Variants in URB1 observed in about 807,000 individuals in gnomAD.
URB1 encodes URB1 ribosome biogenesis factor, also known as nucleolar pre-ribosomal-associated protein 1.
In URB1, 197 loss-of-function variants were observed where a neutral mutation model predicts 242.3. That is an observed-to-expected ratio of 0.81 (90% CI 0.72 to 0.91). The LOEUF (loss-of-function observed/expected upper bound fraction) is 0.91. URB1 is among the 40% of genes least tolerant of loss of function. URB1 has a pLI of 0.00. For missense variants in URB1, 2,721 were observed against 2,860.5 expected (o/e 0.95, Z 1.11); for synonymous variants, 1,153 against 1,201.8 (o/e 0.96, Z 0.84).
Position 32,314,952 on chromosome 21 carries a change from C to A in URB1, c.6782G>T (p.Cys2261Phe). Residue 2261 changes from cysteine to phenylalanine, a missense_variant, in exon 39 of 39, where the codon TGC becomes TTC. Cys to Phe is a radical substitution (Grantham distance 205, BLOSUM62 -2). Transcript: ENST00000382751. ...TGAGGCTGCGCTGGCGGCGTCCTTG[C>A]AGAGCACCACGATGGCCTCCTCTTC... ...SSEEEAIVVL[C>F]KDAASAASDA is the part of the protein sequence containing the mutation. 6.4e-7 allele frequency: 1 copy of A among 1,551,556 alleles called. No individual in the cohort carries two copies. The highest frequency in any genetic ancestry group is 8.7e-7 in the Non-Finnish European group (1 of 1,146,944).
At chr21:32,345,623 G>A in intron 22 of URB1, 48 bp from the exon 23 acceptor site, 1 of 1,487,260 alleles carries the variant, frequency 6.7e-7, no homozygotes, top group Non-Finnish European at 9.0e-7. Context: ...ATGGTGGGCT[G>A]CAGCCAGCTT....
intron 1 of URB1, among the ~76,000 whole-genome samples, chr21:32,391,897 A>C (rs1333337835): frequency 6.6e-6 from 1 of 151,094 alleles, no homozygotes; most frequent in Non-Finnish European, 1.5e-5. Flanking sequence ...GGTGTTGTGC[A>C]CCTACAATCT....
In URB1 at chr21:32,320,454, G is replaced by A. The variant is rs918417632; in HGVS notation, c.5594+77C>T. 5.5e-6 allele frequency: 6 copies of A among 1,098,762 alleles called. No individual in the cohort carries two copies. In the African/African-American group the frequency reaches 9.5e-5, roughly 17 times the overall value. 68.1% of individuals were successfully genotyped at this position (1,098,762 alleles called of 1,614,324 possible). ...TACTGGACATTTCCAACCAACAACA[G>A]AGCTGGCAGCAGACGTCATCGTTTC... On this transcript the variant is annotated intron_variant, in intron 35 of 38. Coordinates refer to ENST00000382751, the MANE Select transcript of URB1 (RefSeq NM_014825.3).
intron 38 of URB1, 114 bp downstream of exon 38, chr21:32,316,352 C>T: frequency 1.4e-6 from 2 of 1,415,188 alleles, no homozygotes; most frequent in East Asian, 2.5e-5. Flanking sequence ...AAGCACAATA[C>T]CCAGCTGAGG....
intron 4 of URB1, among the ~76,000 whole-genome samples, chr21:32,382,060 C>T (rs2033532723): frequency 6.6e-6 from 1 of 152,278 alleles, no homozygotes; most frequent in African/African-American, 2.4e-5. Context: ...TGCCCTGAGA[C>T]CCTGAGATGA....
chr21:32,373,701 T>C lies in URB1; in HGVS notation c.822A>G (p.Ile274Met), dbSNP rs1207963868. ...TCCCATTCCAGTTGTACAGCGATGC[T>C]ATGTGGTTCAATAACTGCCCCGTAA... ...RFFTGQLLNH[I>M]ASLYNWNGIT... The change falls in exon 7 of 39, where the codon ATA (isoleucine) becomes ATG (methionine). Residue 274 changes from isoleucine (I) to methionine (M), a missense_variant. By Grantham distance (10) the Ile-to-Met change is conservative. Transcript: ENST00000382751. 6.5e-7 allele frequency: 1 copy of C among 1,549,544 alleles called. No homozygotes were observed. Among genetic ancestry groups the C allele is most frequent in the Admixed American group, 2.0e-5 (1 of 50,286 alleles).
In URB1 at chr21:32,319,257, C is replaced by G. The variant is rs975892980; in HGVS notation, c.5752G>C (p.Glu1918Gln). The change falls in exon 36 of 39, where the codon GAG becomes CAG. Residue 1918 changes from glutamate to glutamine, a missense_variant. Transcript: ENST00000382751. Reference sequence around the variant, plus strand: ...AGCACGATGAGAACATAAAGGAACTCATTGACCAGGTGCAGGGCAAGCCGC... The same window carrying G: ...AGCACGATGAGAACATAAAGGAACTGATTGACCAGGTGCAGGGCAAGCCGC... ...AKRLALHLVN[E>Q]FLYVLIVLMK... is the part of the protein sequence containing the mutation. 5.0e-5 allele frequency: 77 copies of G among 1,551,098 alleles called. No homozygotes were observed. Among genetic ancestry groups the G allele is most frequent in the Non-Finnish European group, 6.5e-5 (74 of 1,146,776 alleles).
intron 14 of URB1, among the ~76,000 whole-genome samples, chr21:32,359,025 C>T (rs774273623): frequency 4.6e-5 from 7 of 152,152 alleles, no homozygotes; most frequent in African/African-American, 1.2e-4. Flanking sequence ...AGCCTCAGAA[C>T]GGGGACTCGA....
At chr21:32,320,280 C>A (rs1211125632) in intron 35 of URB1, among the ~76,000 whole-genome samples, 5 of 152,234 alleles carry the variant, frequency 3.3e-5, no homozygotes, top group African/African-American at 1.2e-4. Flanking sequence ...CAGATGTGAA[C>A]AGCAGCTGGT....
chr21:32,359,951 G>A (rs769785519), intron 13 of URB1, 43 bp from the exon 14 acceptor site: 21 of 1,527,716 alleles, frequency 1.4e-5, no homozygotes, highest in South Asian at 3.6e-5. Context: ...TCACATGGAC[G>A]TGGGTGCCCA....
At chr21:32,333,063 A>G in intron 30 of URB1, 1 of 462,500 alleles carries the variant, frequency 2.2e-6, no homozygotes, top group Non-Finnish European at 3.9e-6. Flanking sequence ...TTAGGAAAAC[A>G]TCAAAGACAA....
chr21:32,326,352 T>C (rs915992001), intron 30 of URB1, among the ~76,000 whole-genome samples: 8 of 152,216 alleles, frequency 5.3e-5, no homozygotes, highest in Admixed American at 1.3e-4. Flanking sequence ...AATCATGGAA[T>C]ATAACATCAA....
chr21:32,353,236 C>T (rs1261867427), intron 18 of URB1, among the ~76,000 whole-genome samples: 1 of 152,236 alleles, frequency 6.6e-6, no homozygotes, highest in Non-Finnish European at 1.5e-5. Context: ...ACAAGCCTCT[C>T]TTGCGTGTAG....
chr21:32,345,624 C>T lies in URB1; in HGVS notation c.3869-49G>A, dbSNP rs1182590752. 7.4e-6 allele frequency: 11 copies of T among 1,486,312 alleles called. No homozygotes were observed. In the South Asian group the frequency reaches 1.5e-4, roughly 20 times the overall value. The allele number at this position is 1,486,312 out of a possible 1,614,324, so 92.1% of individuals were successfully genotyped here. A position where few individuals can be genotyped will look rare whatever the true frequency, so the allele number is the denominator to read the frequency against. The stretch of plus-strand genomic sequence containing the variant: ...AGTCATCACACCCAATGGTGGGCTG[C>T]AGCCAGCTTGGACCAGCTCCTAGGA... On this transcript the variant is annotated intron_variant, in intron 22 of 38. Coordinates refer to ENST00000382751, the MANE Select transcript of URB1 (RefSeq NM_014825.3).
chr21:32,337,189 A>G, intron 27 of URB1, 32 bp from the exon 28 acceptor site: 1 of 1,550,452 alleles, frequency 6.4e-7, no homozygotes, highest in East Asian at 2.4e-5. Context: ...GTTTAGGAAG[A>G]TGAACCCCTG....
intron 2 of URB1, among the ~76,000 whole-genome samples, chr21:32,385,007 A>AAAAGAAAGAAAGAAAG (rs56918578): frequency 9.6e-4 from 145 of 151,022 alleles, no homozygotes; most frequent in African/African-American, 3.4e-3. Flanking sequence ...AAAAGAAAAG[A>AAAAGAAAGAAAGAAAG]AAAGAAAGAA....
Position 32,366,717 on chromosome 21 carries a change from C to T in URB1, c.1236G>A (p.Gln412=). The change falls in exon 10 of 39, where the codon CAG becomes CAA. Residue 412 remains glutamine (Q), a synonymous_variant. Coordinates refer to ENST00000382751, the MANE Select transcript of URB1 (RefSeq NM_014825.3). ...GAGGCAAGGGTATAAACTCTCTGGT[C>T]TGAAATGCCCGGGAAATCTCCGGCT... ...EAQPEISRAF[Q]TREFIPLPRL... 6.4e-7 allele frequency: 1 copy of T among 1,551,486 alleles called. No homozygotes were observed. The highest frequency in any genetic ancestry group is 8.7e-7 in the Non-Finnish European group (1 of 1,146,890).
At chr21:32,334,788 T>C (rs1398539020) in intron 28 of URB1, among the ~76,000 whole-genome samples, 1 of 152,136 alleles carries the variant, frequency 6.6e-6, no homozygotes, top group South Asian at 2.1e-4. Context: ...TGCTAGAACA[T>C]AGCGGCAGAA....
rs1284464178 is a variant in URB1 at position 32,341,466 on chromosome 21, T to A, written c.4316A>T (p.Lys1439Ile). 6.4e-7 allele frequency: 1 copy of A among 1,551,560 alleles called. No individual in the cohort carries two copies. Among genetic ancestry groups the A allele is most frequent in the African/African-American group, 1.4e-5 (1 of 73,164 alleles). ...CACCAAGAAAATAAAATCAACTTAC[T>A]TGAGTCCCTTCTTCACGAATTTCTG... ...DWQKFVKKGL[K>I]FRYQDHTFLK... The change falls in exon 25 of 39, where the codon AAA (lysine) becomes ATA (isoleucine). Residue 1439 changes from lysine to isoleucine, a missense_variant and splice_region_variant. Coordinates refer to ENST00000382751, the MANE Select transcript of URB1 (RefSeq NM_014825.3).
Sources: gnomAD v4.1 joint callset for allele counts (sites outside exome capture counted in the v4.1 genomes callset) on GRCh38, gnomAD v4.1.1 for gene constraint, MANE v1.5 for transcripts, NCBI Gene and HGNC (gene_info 2026-07-23, HGNC 2026-07-21) for gene names.